Variants in HYCC2 observed in about 807,000 individuals in gnomAD.
The protein encoded by HYCC2 is hyccin PI4KA lipid kinase complex subunit 2, also known as hyccin 2.
the HYCC2 span, chr2:200,996,951 T>C: frequency 6.6e-6 from 1 of 152,448 alleles, no homozygotes; most frequent in African/African-American, 2.4e-5. Context: ...AATATTTCTT[T>C]AATGCTGAAA....
the HYCC2 span, among the ~76,000 whole-genome samples, chr2:201,049,437 C>T: frequency 7.9e-5 from 12 of 151,258 alleles, no homozygotes; most frequent in Non-Finnish European, 1.2e-4. Flanking sequence ...GCAACCTCCG[C>T]CTCCCGGGGT....
chr2:201,060,907 G>A, the HYCC2 span, among the ~76,000 whole-genome samples: 1 of 152,188 alleles, frequency 6.6e-6, no homozygotes, highest in African/African-American at 2.4e-5. Context: ...CATATGGATG[G>A]ATGTTTAGAG....
chr2:200,978,458 G>T, the HYCC2 span: 2 of 133,722 alleles, frequency 1.5e-5, no homozygotes, highest in African/African-American at 5.5e-5. Flanking sequence ...AATCCTCTAA[G>T]ATGAACTTTT....
At chr2:201,013,676 T>C in the HYCC2 span, among the ~76,000 whole-genome samples, 5 of 152,152 alleles carry the variant, frequency 3.3e-5, no homozygotes, top group Non-Finnish European at 5.9e-5. Context: ...ATAACTTCTT[T>C]GTAGTTAAAC....
At chr2:201,041,935 GTCTCTC>G in the HYCC2 span, among the ~76,000 whole-genome samples, 1 of 151,982 alleles carries the variant, frequency 6.6e-6, no homozygotes, top group Non-Finnish European at 1.5e-5. Flanking sequence ...AAATAGAATA[GTCTCTC>G]TCCCCCTCCC....
the HYCC2 span, among the ~76,000 whole-genome samples, chr2:201,006,586 C>G: frequency 4.9e-4 from 74 of 152,118 alleles, no homozygotes; most frequent in Non-Finnish European, 6.9e-4. Context: ...GCCACTCCTG[C>G]TTTTAGAACT....
chr2:201,064,530 G>C, the HYCC2 span, among the ~76,000 whole-genome samples: 4,683 of 152,058 alleles, frequency 0.031, 259 homozygotes, highest in African/African-American at 0.11. Flanking sequence ...TATTGTCTTC[G>C]GAAACCTTGG....
chr2:201,058,737 T>C, the HYCC2 span, among the ~76,000 whole-genome samples: 1 of 152,192 alleles, frequency 6.6e-6, no homozygotes, highest in South Asian at 2.1e-4. Context: ...AATTTTCATA[T>C]CGAATTACAT....
At chr2:201,032,410 A>G in the HYCC2 span, among the ~76,000 whole-genome samples, 11 of 152,242 alleles carry the variant, frequency 7.2e-5, no homozygotes, top group Non-Finnish European at 1.3e-4. Flanking sequence ...CCTTCCCCAC[A>G]TCCTATCCTC....
the HYCC2 span, chr2:200,981,465 ACTTG>A: frequency 6.2e-7 from 1 of 1,614,140 alleles, no homozygotes; most frequent in African/African-American, 1.3e-5. The surrounding 1 kb of genome is among the most constrained non-coding windows in gnomAD (Gnocchi z 4.5). Flanking sequence ...CAATGCTGGT[ACTTG>A]CTTGACTGCC....
chr2:201,056,599 G>C, the HYCC2 span, among the ~76,000 whole-genome samples: 1 of 151,750 alleles, frequency 6.6e-6, no homozygotes, highest in African/African-American at 2.4e-5. Flanking sequence ...GCTTGAACCC[G>C]GGAGGCGGAG....
chr2:200,998,831 T>C, the HYCC2 span, among the ~76,000 whole-genome samples: 83 of 152,344 alleles, frequency 5.4e-4, no homozygotes, highest in African/African-American at 1.7e-3. Flanking sequence ...AAACTCTTTG[T>C]ACTATTTTAG....
the HYCC2 span, among the ~76,000 whole-genome samples, chr2:201,048,257 C>T: frequency 6.6e-6 from 1 of 151,548 alleles, no homozygotes; most frequent in Non-Finnish European, 1.5e-5. Context: ...ATATATCAAA[C>T]AAGTTAGAAG....
chr2:201,057,877 G>A, the HYCC2 span, among the ~76,000 whole-genome samples: 2 of 152,176 alleles, frequency 1.3e-5, no homozygotes, highest in African/African-American at 4.8e-5. Flanking sequence ...TACCTGAAGA[G>A]ACCAAAGATA....
chr2:200,992,135 CCTATTTTGTTTTTTCT>C, the HYCC2 span: 28 of 571,944 alleles, frequency 4.9e-5, no homozygotes, highest in African/African-American at 5.3e-4. Context: ...AGGACCTAAA[CCTATTTTGTTTTTTCT>C]CTAACAGTTA....
the HYCC2 span, among the ~76,000 whole-genome samples, chr2:201,001,818 T>C: frequency 6.6e-6 from 1 of 151,964 alleles, no homozygotes; most frequent in Non-Finnish European, 1.5e-5. Context: ...ATTACAGGCA[T>C]GAGCCACCAC....
the HYCC2 span, chr2:200,992,270 T>C: frequency 4.0e-6 from 6 of 1,514,220 alleles, no homozygotes; most frequent in Non-Finnish European, 5.5e-6. Flanking sequence ...AGAGTTAAGA[T>C]AATAACTTAC....
the HYCC2 span, among the ~76,000 whole-genome samples, chr2:201,033,616 G>A: frequency 9.2e-5 from 14 of 151,986 alleles, no homozygotes; most frequent in African/African-American, 3.1e-4. Context: ...ATGTTAGCCG[G>A]TATGGTCTCG....
the HYCC2 span, among the ~76,000 whole-genome samples, chr2:201,044,962 C>A: frequency 6.6e-6 from 1 of 152,200 alleles, no homozygotes; most frequent in Non-Finnish European, 1.5e-5. Flanking sequence ...ATACAATTAT[C>A]AGGACAACAT....
Sources: allele counts gnomAD v4.1 joint callset (sites outside exome capture counted in the v4.1 genomes callset), GRCh38; gene constraint gnomAD v4.1.1; non-coding constraint Gnocchi (gnomAD v3.1); transcripts MANE v1.5; gene names NCBI Gene and HGNC (gene_info 2026-07-23, HGNC 2026-07-21).